CDH23: variants seen among roughly 807,000 people sequenced by gnomAD.
CDH23 encodes the protein cadherin related 23, also known as cadherin-23.
In CDH23, 189 loss-of-function variants were observed where a neutral mutation model predicts 317.1. The ratio of observed to expected loss-of-function variants is 0.60; its 90% CI spans 0.53 to 0.67. The LOEUF is 0.67. Ranked by LOEUF, CDH23 falls within the 30% of genes least tolerant of loss-of-function variation. The pLI, the probability that CDH23 is intolerant of heterozygous loss-of-function variation, is 0.00. For synonymous variants in CDH23, 1,839 were observed against 1,876.8 expected (o/e 0.98, Z 0.52); for missense variants, 4,401 against 4,592.4 (o/e 0.96, Z 1.20).
At chr10:71,647,945 G>A (rs1051577382) in intron 14 of CDH23, 1 of 152,216 alleles carries the variant, frequency 6.6e-6, no homozygotes, top group African/African-American at 2.4e-5. Flanking sequence ...GGCTCCCAGA[G>A]TCCTTGCTTC....
At chr10:71,805,109 T>C (rs960896648) in intron 55 of CDH23, among the ~76,000 whole-genome samples, 1 of 152,204 alleles carries the variant, frequency 6.6e-6, no homozygotes, top group Non-Finnish European at 1.5e-5. Flanking sequence ...ATTTTTCAAC[T>C]AAAAGCAAAG....
chr10:71,662,130 C>T, intron 14 of CDH23, among the ~76,000 whole-genome samples: 1 of 151,842 alleles, frequency 6.6e-6, no homozygotes. Context: ...CTGTAAAATT[C>T]ATCAGGGACC....
At chr10:71,525,813 C>T (rs1412057477) in intron 6 of CDH23, among the ~76,000 whole-genome samples, 3 of 106,594 alleles carry the variant, frequency 2.8e-5, no homozygotes, top group Non-Finnish European at 5.6e-5. Context: ...GAGAAAGAGG[C>T]GTCCCTGCTT....
chr10:71,810,140 A>G (rs1841874297), intron 61 of CDH23, 64 bp downstream of exon 61: 1 of 1,580,878 alleles, frequency 6.3e-7, no homozygotes, highest in Non-Finnish European at 8.6e-7. Flanking sequence ...GCCAGGCCAC[A>G]AGGAGAGACA....
chr10:71,723,018 C>G (rs1226352153), intron 28 of CDH23, among the ~76,000 whole-genome samples: 1 of 152,192 alleles, frequency 6.6e-6, no homozygotes, highest in African/African-American at 2.4e-5. Context: ...TGATCAGGCA[C>G]CCAGTCCTGG....
chr10:71,762,650 C>G (rs1840425180), intron 38 of CDH23, among the ~76,000 whole-genome samples: 1 of 148,300 alleles, frequency 6.7e-6, no homozygotes, highest in African/African-American at 2.4e-5. Flanking sequence ...GAGGAAACAG[C>G]CTTCTGGGGA....
intron 1 of CDH23, among the ~76,000 whole-genome samples, chr10:71,420,592 G>A (rs1425408330): frequency 1.8e-5 from 2 of 110,484 alleles, no homozygotes; most frequent in South Asian, 3.0e-4. Context: ...GGTGATGATG[G>A]TGATGGTGAT....
At position 71,554,284 on chromosome 10, in the gene CDH23, A is replaced by G. The variant is rs184657405; in HGVS notation, c.430-12458A>G. Among the ~76,000 whole-genome samples, 66 of 152,134 alleles carry G rather than the reference A, an allele frequency of 4.3e-4. 1 individual carries two copies. The highest frequency in any genetic ancestry group is 1.5e-3 in the African/African-American group (63 of 41,500). ...GCAGTCACAGCTCACTGCAGCCTCA[A>G]TGTCCTGGGCTCAAGCATTCTTCCC... On this transcript the variant is annotated intron_variant, in intron 6 of 69. Transcript: ENST00000224721.
chr10:71,468,433 C>G (rs1283566237), intron 3 of CDH23, among the ~76,000 whole-genome samples: 1 of 152,176 alleles, frequency 6.6e-6, no homozygotes, highest in Non-Finnish European at 1.5e-5. Context: ...CTTACCAGGC[C>G]AGGCCATCTG....
At position 71,798,372 on chromosome 10, in the gene CDH23, T is replaced by C; in HGVS notation, c.6848T>C (p.Val2283Ala). 6.2e-7 allele frequency: 1 copy of C among 1,613,796 alleles called. No individual in the cohort carries two copies. ...SVPNAKLTVN[V>A]LDVNDNTPQF... ...ACCACAGCCAAGCTGACTGTCAACG[T>C]CCTGGACGTCAATGACAATACGCCC... is the stretch of plus-strand genomic sequence containing the variant. The change falls in exon 50 of 70, where the codon GTC becomes GCC. Residue 2283 changes from valine (V) to alanine (A), a missense_variant. Coordinates refer to ENST00000224721, the MANE Select transcript of CDH23 (RefSeq NM_022124.6).
chr10:71,432,716 C>T (rs1403241404), intron 1 of CDH23, among the ~76,000 whole-genome samples: 1 of 152,160 alleles, frequency 6.6e-6, no homozygotes, highest in Non-Finnish European at 1.5e-5. Flanking sequence ...AGGGAGCCCT[C>T]CTGGTGATGG....
intron 15 of CDH23, among the ~76,000 whole-genome samples, chr10:71,676,104 C>T (rs750952936): frequency 1.3e-4 from 20 of 150,734 alleles, no homozygotes; most frequent in Non-Finnish European, 2.8e-4. Context: ...GATGGGGTTT[C>T]ACCATGTTGG....
intron 3 of CDH23, among the ~76,000 whole-genome samples, chr10:71,494,547 C>T (rs923398645): frequency 3.9e-5 from 6 of 152,108 alleles, no homozygotes; most frequent in Non-Finnish European, 7.3e-5. Flanking sequence ...ACCTTCCTCA[C>T]GTGTTTGTGG....
intron 38 of CDH23, among the ~76,000 whole-genome samples, chr10:71,767,478 C>T (rs1034333906): frequency 6.6e-6 from 1 of 152,196 alleles, no homozygotes; most frequent in Non-Finnish European, 1.5e-5. Flanking sequence ...CAAAAGGTCC[C>T]GTCCTTGGTC....
chr10:71,680,756 A>AGG (rs1421498387), intron 17 of CDH23, among the ~76,000 whole-genome samples: 28 of 145,856 alleles, frequency 1.9e-4, no homozygotes, highest in African/African-American at 6.5e-4. Context: ...CAAAAAAAAA[A>AGG]AAAAAAAGAA....
intron 3 of CDH23, among the ~76,000 whole-genome samples, chr10:71,471,797 C>G (rs1271148995): frequency 6.6e-6 from 1 of 152,184 alleles, no homozygotes; most frequent in Non-Finnish European, 1.5e-5. Flanking sequence ...GCATCTCAAG[C>G]CGTCTCTCTT....
chr10:71,495,820 A>AAAAG (rs550566369), intron 3 of CDH23, among the ~76,000 whole-genome samples: 155 of 147,374 alleles, frequency 1.1e-3, no homozygotes, highest in African/African-American at 3.5e-3. Context: ...GAAAAAAAAA[A>AAAAG]AAAGAAAGAA....
chr10:71,477,722 G>A lies in CDH23; in HGVS notation c.145+31327G>A, dbSNP rs16928924. ...CTCCCTCTCATCCAACATTCAGTTC[G>A]TTGCCTAAGCCAGAGCTTTGTATGC... On this transcript the variant is annotated intron_variant, in intron 3 of 69. Transcript: ENST00000224721. Among the ~76,000 whole-genome samples the A allele has an allele frequency of 7.9e-3, 1,199 of 152,258 alleles. 14 individuals carry two copies. Among genetic ancestry groups the A allele is most frequent in the South Asian group, 0.019 (93 of 4,826 alleles).
At position 71,802,985 on chromosome 10, in the gene CDH23, G is replaced by A. The variant is rs1420553441; in HGVS notation, c.7570G>A (p.Ala2524Thr). 1.2e-6 allele frequency: 2 copies of A among 1,613,902 alleles called. No individual in the cohort carries two copies. Among genetic ancestry groups the A allele is most frequent in the African/African-American group, 2.7e-5 (2 of 74,924 alleles). The change falls in exon 54 of 70, where the codon GCG (alanine) becomes ACG (threonine). Residue 2524 changes from alanine (A) to threonine (T), a missense_variant. By Grantham distance (58) the Ala-to-Thr change is moderately conservative. Around this residue, in one of 3 missense-constraint regions of CDH23, gnomAD observed 189 missense variants for 250.9 expected, o/e 0.75. Transcript: ENST00000224721. ...FSTSVYENEP[A>T]GTSVITMMAT... Reference sequence around the variant, plus strand: ...CACAAGCGTGTATGAGAATGAGCCGGCGGGCACCTCGGTCATCACCATGAT... The same window carrying A: ...CACAAGCGTGTATGAGAATGAGCCGACGGGCACCTCGGTCATCACCATGAT...
Sources: allele counts gnomAD v4.1 joint callset (sites outside exome capture counted in the v4.1 genomes callset), GRCh38; gene constraint gnomAD v4.1.1; regional missense constraint gnomAD v4.1.1; transcripts MANE v1.5; gene names NCBI Gene and HGNC (gene_info 2026-07-23, HGNC 2026-07-21).